WDR73: variants seen among roughly 807,000 people sequenced by gnomAD.
WDR73 encodes the protein integrator complex assembly factor WDR73.
In WDR73, 30 loss-of-function variants were observed where a neutral mutation model predicts 38.2. That is an observed-to-expected ratio of 0.79 (90% CI 0.59 to 1.06). The LOEUF is 1.06. WDR73 is among the 50% of genes least tolerant of loss of function. WDR73 has a pLI of 0.00. For missense variants in WDR73, 487 were observed against 467.0 expected, an observed-to-expected ratio of 1.04 and a Z score of -0.40; for synonymous variants, 197 against 176.0, an observed-to-expected ratio of 1.12 and a Z score of -0.94.
At chr15:84,651,604 T>C (rs1330409926) in intron 3 of WDR73, among the ~76,000 whole-genome samples, 3 of 152,138 alleles carry the variant, frequency 2.0e-5, no homozygotes, top group Non-Finnish European at 4.4e-5. Context: ...CCCTGTGATA[T>C]TCCCTCATTT....
chr15:84,653,014 G>A, intron 2 of WDR73: 1 of 422,080 alleles, frequency 2.4e-6, no homozygotes. Context: ...AACCTGCCAG[G>A]CTCAAGTGAT....
chr15:84,639,313 G>A lies in WDR73; in HGVS notation c.*4157C>T, dbSNP rs1896187681. 6.6e-6 allele frequency: 1 copy of A among 151,932 alleles called. No individual in the cohort carries two copies. Among genetic ancestry groups the A allele is most frequent in the Non-Finnish European group, 1.5e-5 (1 of 68,018 alleles). 9.4% of individuals were successfully genotyped at this position (151,932 alleles called of 1,614,324 possible). A position where few individuals can be genotyped will look rare whatever the true frequency, so the allele number is the denominator to read the frequency against. ...AGGTATGTGTCTGAATTTTATTTAA[G>A]ATAGATGAACGTGGATATATAGTTA... On this transcript the variant is annotated 3_prime_UTR_variant, in exon 8 of 8. Coordinates refer to ENST00000434634, the MANE Select transcript of WDR73 (RefSeq NM_032856.5).
At position 84,652,817 on chromosome 15, in the gene WDR73, A is replaced by G; in HGVS notation, c.110-15T>C. On this transcript the variant is annotated splice_polypyrimidine_tract_variant and intron_variant, in intron 2 of 7. Coordinates refer to ENST00000434634, the MANE Select transcript of WDR73 (RefSeq NM_032856.5). ...AACAAAGACTCCTGGAAAAAGAAGC[A>G]GAGGTAGCTGTCACAAATTGTTAGA... 1 of 1,486,518 alleles carries G rather than the reference A, an allele frequency of 6.7e-7. No homozygotes were observed. The highest frequency in any genetic ancestry group is 9.0e-7 in the Non-Finnish European group (1 of 1,107,764). 92.1% of individuals were successfully genotyped at this position (1,486,518 alleles called of 1,614,324 possible).
chr15:84,640,182 A>G lies in WDR73; in HGVS notation c.*3288T>C. The G allele has an allele frequency of 6.6e-6, 1 of 152,134 alleles. No homozygotes were observed. The highest frequency in any genetic ancestry group is 1.9e-4 in the East Asian group (1 of 5,188). The allele number at this position is 152,134 out of a possible 1,614,324, so 9.4% of individuals were successfully genotyped here. A position where few individuals can be genotyped will look rare whatever the true frequency, so the allele number is the denominator to read the frequency against. ...GGAATCCCAGTGGCAACTCTCCCCC[A>G]CAATGGACCTCAGAGCAGTGGGAGC... On this transcript the variant is annotated 3_prime_UTR_variant, in exon 8 of 8. Transcript: ENST00000434634.
At chr15:84,646,075 A>G (rs1896447278) in intron 6 of WDR73, 109 bp downstream of exon 6, 2 of 1,566,854 alleles carry the variant, frequency 1.3e-6, no homozygotes, top group Non-Finnish European at 8.6e-7. Flanking sequence ...TTCACTGTGT[A>G]TCCCCAACAC....
rs1334880127 is a variant in WDR73, at chr15:84,653,708, A to G, written c.42-9T>C. On this transcript the variant is annotated splice_polypyrimidine_tract_variant and intron_variant, in intron 1 of 7. Coordinates refer to ENST00000434634, the MANE Select transcript of WDR73 (RefSeq NM_032856.5). ...CATAGAAATCCTGGTACCTGCACAA[A>G]AGGGACACAGAATCACACGATGCAC... 1 of 1,582,744 alleles carries G rather than the reference A, an allele frequency of 6.3e-7. No homozygotes were observed.
chr15:84,643,426 C>T lies in WDR73; in HGVS notation c.*44G>A, dbSNP rs762745380. On this transcript the variant is annotated 3_prime_UTR_variant, in exon 8 of 8. Coordinates refer to ENST00000434634, the MANE Select transcript of WDR73 (RefSeq NM_032856.5). ...TACATGAGCACCCTTGCTACTACAGCAGCTCCTCCCCTTTCTAGAGGCCTA... is the reference window on the plus strand; with the variant it reads ...TACATGAGCACCCTTGCTACTACAGTAGCTCCTCCCCTTTCTAGAGGCCTA... 3.2e-6 allele frequency: 5 copies of T among 1,542,388 alleles called. No individual in the cohort carries two copies. The South Asian group carries it at 4.8e-5, about 15-fold the overall frequency.
chr15:84,653,505 G>C lies in WDR73; in HGVS notation c.109+127C>G, dbSNP rs1164947371. Reference sequence around the variant, plus strand: ...ATAAGAGGAATATTAGTGCTGATGGGGCATCAAATTGCTACAAGTGACTCT... The same window carrying C: ...ATAAGAGGAATATTAGTGCTGATGGCGCATCAAATTGCTACAAGTGACTCT... On this transcript the variant is annotated intron_variant, in intron 2 of 7. Transcript: ENST00000434634. The C allele has an allele frequency of 2.9e-5, 19 of 665,762 alleles. No individual in the cohort carries two copies. In the Admixed American group the frequency reaches 4.3e-4, roughly 15 times the overall value. The allele number at this position is 665,762 out of a possible 1,614,324, so 41.2% of individuals were successfully genotyped here. A position where few individuals can be genotyped will look rare whatever the true frequency, so the allele number is the denominator to read the frequency against.
chr15:84,646,437 G>A (rs1032892472), intron 5 of WDR73, 89 bp from the exon 6 acceptor site: 1 of 1,503,232 alleles, frequency 6.7e-7, no homozygotes, highest in African/African-American at 1.4e-5. Context: ...TGTACATTTA[G>A]AAGATCAAGG....
In WDR73 at chr15:84,643,583, G is replaced by A. The variant is rs1173797896; in HGVS notation, c.1024C>T (p.Pro342Ser). 6.2e-7 allele frequency: 1 copy of A among 1,612,428 alleles called. No individual in the cohort carries two copies. Among genetic ancestry groups the A allele is most frequent in the Non-Finnish European group, 8.5e-7 (1 of 1,179,340 alleles). ...TGCCAGGTGTGGGTGGTGACCAAAG[G>A]AGCAGGGTCCATCCCATTTCCATCT... is the stretch of plus-strand genomic sequence containing the variant. ...FLDGNGMDPA[P>S]LVTTHTWHPC... is the part of the protein sequence containing the mutation. The change falls in exon 8 of 8, where the codon CCT becomes TCT. Residue 342 changes from proline (P) to serine (S), a missense_variant. Coordinates refer to ENST00000434634, the MANE Select transcript of WDR73 (RefSeq NM_032856.5).
rs1294689783 is a variant in WDR73, at chr15:84,641,451, T to A, written c.*2019A>T. On this transcript the variant is annotated 3_prime_UTR_variant, in exon 8 of 8. Transcript: ENST00000434634. Reference sequence around the variant, plus strand: ...ACCCAGGAAAGCCTGTTCCCCTAAGTAAGTTTGAACTTTAGTTACTTGAAA... The same window carrying A: ...ACCCAGGAAAGCCTGTTCCCCTAAGAAAGTTTGAACTTTAGTTACTTGAAA... The A allele has an allele frequency of 3.9e-5, 6 of 152,150 alleles. No individual in the cohort carries two copies. Among genetic ancestry groups the A allele is most frequent in the Non-Finnish European group, 8.8e-5 (6 of 68,044 alleles). 9.4% of individuals were successfully genotyped at this position (152,150 alleles called of 1,614,324 possible). A position where few individuals can be genotyped will look rare whatever the true frequency, so the allele number is the denominator to read the frequency against.
intron 1 of WDR73, 151 bp downstream of exon 1, chr15:84,654,083 A>G: frequency 9.8e-7 from 1 of 1,018,106 alleles, no homozygotes; most frequent in Non-Finnish European, 1.5e-6. Flanking sequence ...ATGGGGGCCT[A>G]GGCCCAGGCG....
At chr15:84,653,496 T>C (rs565890056) in intron 2 of WDR73, 136 bp downstream of exon 2, 1 of 646,816 alleles carries the variant, frequency 1.5e-6, no homozygotes, top group South Asian at 1.7e-5. Context: ...GGAATATTAG[T>C]GCTGATGGGG....
At chr15:84,644,042 A>C (rs1449470182) in intron 7 of WDR73, 3 of 284,916 alleles carry the variant, frequency 1.1e-5, no homozygotes, top group Non-Finnish European at 2.0e-5. Context: ...TGGGGCATGT[A>C]ACCATGAGCA....
At chr15:84,646,432 A>C in intron 5 of WDR73, 84 bp from the exon 6 acceptor site, 2 of 1,513,132 alleles carry the variant, frequency 1.3e-6, no homozygotes, top group South Asian at 2.7e-5. Flanking sequence ...TCCCCTGTAC[A>C]TTTAGAAGAT....
intron 5 of WDR73, 134 bp downstream of exon 5, chr15:84,647,756 C>T: frequency 1.2e-6 from 1 of 853,722 alleles, no homozygotes; most frequent in Non-Finnish European, 1.9e-6. Flanking sequence ...CTCAGCCTCC[C>T]AAAGTGCTAC....
chr15:84,653,977 G>C (rs1567026100), intron 1 of WDR73: 3 of 604,458 alleles, frequency 5.0e-6, no homozygotes, highest in East Asian at 5.5e-5. Context: ...GAACTCAGAG[G>C]CTGGCGCAAA....
In WDR73 at chr15:84,640,725, A is replaced by T. The variant is rs1896232920; in HGVS notation, c.*2745T>A. 1 of 152,174 alleles carries T rather than the reference A, an allele frequency of 6.6e-6. No homozygotes were observed. Among genetic ancestry groups the T allele is most frequent in the Non-Finnish European group, 1.5e-5 (1 of 68,034 alleles). 9.4% of individuals were successfully genotyped at this position (152,174 alleles called of 1,614,324 possible). ...GAAAAATAATAATATTATTAAAAGA[A>T]TTTAAAATAAAGTGTTCCATAGATG... On this transcript the variant is annotated 3_prime_UTR_variant, in exon 8 of 8. Transcript: ENST00000434634.
Position 84,653,698 on chromosome 15 carries a change from A to G in WDR73, c.43T>C (p.Tyr15His). The G allele has an allele frequency of 6.9e-6, 11 of 1,587,302 alleles. No homozygotes were observed. The highest frequency in any genetic ancestry group is 9.4e-6 in the Non-Finnish European group (11 of 1,166,092). ...DDWLVESLRL[Y>H]QDFYAFDLSG... Reference sequence around the variant, plus strand: ...AGGTCGAATGCATAGAAATCCTGGTACCTGCACAAAAGGGACACAGAATCA... The same window carrying G: ...AGGTCGAATGCATAGAAATCCTGGTGCCTGCACAAAAGGGACACAGAATCA... Residue 15 changes from tyrosine (Y) to histidine (H), a missense_variant and splice_region_variant, in exon 2 of 8, where the codon TAC (tyrosine) becomes CAC (histidine). Physicochemically the swap from Tyr to His is moderately conservative, Grantham distance 83. Coordinates refer to ENST00000434634, the MANE Select transcript of WDR73 (RefSeq NM_032856.5).
Sources: allele counts gnomAD v4.1 joint callset (sites outside exome capture counted in the v4.1 genomes callset), GRCh38; gene constraint gnomAD v4.1.1; transcripts MANE v1.5; gene names NCBI Gene and HGNC (gene_info 2026-07-23, HGNC 2026-07-21).